The following ZNF205 variants were observed in gnomAD, a reference collection of about 807,000 sequenced individuals.
The protein encoded by ZNF205 is transcriptional repressor RHIT.
A neutral mutation model predicts 53.6 loss-of-function variants in ZNF205; 32 were observed. That is an observed-to-expected ratio of 0.60 (90% confidence interval 0.45 to 0.80). The LOEUF (loss-of-function observed/expected upper bound fraction) is 0.80. ZNF205 is among the 30% of genes least tolerant of loss of function. ZNF205 has a pLI of 0.00. For synonymous variants in ZNF205, 382 were observed against 334.3 expected (o/e 1.14, Z -1.56); for missense variants, 836 against 782.4 (o/e 1.07, Z -0.82).
chr16:3,119,400 C>T lies in ZNF205; in HGVS notation c.740C>T (p.Pro247Leu), dbSNP rs772722968. The T allele has an allele frequency of 9.3e-6, 15 of 1,610,000 alleles. No individual in the cohort carries two copies. Among genetic ancestry groups the T allele is most frequent in the Non-Finnish European group, 1.3e-5 (15 of 1,178,816 alleles). The change falls in exon 7 of 7, where the codon CCG becomes CTG. Residue 247 changes from proline to leucine, a missense_variant. Physicochemically the swap from Pro to Leu is moderately conservative, Grantham distance 98. Coordinates refer to ENST00000219091, the MANE Select transcript of ZNF205 (RefSeq NM_001042428.2). ...QEAACGRSSG[P>L]AKDSGQPAEP... ...GCAGCCTGCGGCCGGAGCTCAGGGC[C>T]GGCCAAAGACTCCGGGCAGCCGGCT...
rs1371965283 is a variant in ZNF205, at chr16:3,119,557, T to G, written c.897T>G (p.Pro299=). 6.2e-7 allele frequency: 1 copy of G among 1,608,116 alleles called. No individual in the cohort carries two copies. Among genetic ancestry groups the G allele is most frequent in the Non-Finnish European group, 8.5e-7 (1 of 1,177,726 alleles). ...AGAGTGGCGAGGAGGGCCTGGCCCC[T>G]GACAGTGAGGTGGGCAGGAAGAGCT... The part of the protein sequence containing the change: ...APESGEEGLA[P]DSEVGRKSYR... The change falls in exon 7 of 7, where the codon CCT becomes CCG. Residue 299 remains proline, a synonymous_variant. Coordinates refer to ENST00000219091, the MANE Select transcript of ZNF205 (RefSeq NM_001042428.2).
At chr16:3,113,604 A>C in intron 2 of ZNF205, 117 bp downstream of exon 2, 14 of 1,151,928 alleles carry the variant, frequency 1.2e-5, no homozygotes, top group Non-Finnish European at 1.7e-5. Flanking sequence ...TGGGGAGATC[A>C]AAGAGAAGGT....
Position 3,119,316 on chromosome 16 carries a change from A to C in ZNF205, c.656A>C (p.Lys219Thr). ...TSSVAALGNV[K>T]PFRTRAGRVQ... ...TCCGTGGCAGCCCTTGGGAATGTGA[A>C]GCCCTTCAGAACCAGGGCAGGGAGA... The change falls in exon 7 of 7, where the codon AAG becomes ACG. Residue 219 changes from lysine (K) to threonine (T), a missense_variant. Coordinates refer to ENST00000219091, the MANE Select transcript of ZNF205 (RefSeq NM_001042428.2). 1 of 1,611,966 alleles carries C rather than the reference A, an allele frequency of 6.2e-7. No individual in the cohort carries two copies. The highest frequency in any genetic ancestry group is 8.5e-7 in the Non-Finnish European group (1 of 1,179,096).
chr16:3,115,098 T>G (rs1324982462), intron 2 of ZNF205: 3 of 339,584 alleles, frequency 8.8e-6, no homozygotes, highest in Non-Finnish European at 1.6e-5. Flanking sequence ...TCTACACTGC[T>G]GAGGTCAGTG....
At chr16:3,117,188 T>G (rs1957356611) in intron 5 of ZNF205, among the ~76,000 whole-genome samples, 1 of 152,198 alleles carries the variant, frequency 6.6e-6, no homozygotes, top group South Asian at 2.1e-4. Flanking sequence ...GAAGTCCGCT[T>G]TTCCTGGGTT....
Position 3,115,909 on chromosome 16 carries a change from G to A in ZNF205, c.352G>A (p.Ala118Thr), listed in dbSNP as rs1450590498. Residue 118 changes from alanine to threonine, a missense_variant, in exon 4 of 7, where the codon GCC (alanine) becomes ACC (threonine). Ala to Thr is a moderately conservative substitution (Grantham distance 58). Coordinates refer to ENST00000219091, the MANE Select transcript of ZNF205 (RefSeq NM_001042428.2). ...DRQMAAALLTAWSQMPVTFED... is the reference protein window; with the variant it reads ...DRQMAAALLTTWSQMPVTFED... ...GCAGATGGCTGCAGCGCTCCTCACT[G>A]CCTGGTCCCAGGTGAGTGGCCCTTC... The A allele has an allele frequency of 6.2e-7, 1 of 1,613,676 alleles. No homozygotes were observed. Among genetic ancestry groups the A allele is most frequent in the East Asian group, 2.2e-5 (1 of 44,860 alleles).
At chr16:3,115,741 G>A (rs957090755) in intron 3 of ZNF205, 88 bp from the exon 4 acceptor site, 23 of 1,437,496 alleles carry the variant, frequency 1.6e-5, no homozygotes, top group South Asian at 1.6e-4. Context: ...TCCTTGGGTC[G>A]GGCCAGGGGT....
chr16:3,116,116 A>C (rs1342117364), intron 4 of ZNF205, 196 bp downstream of exon 4: 14 of 703,592 alleles, frequency 2.0e-5, no homozygotes, highest in Non-Finnish European at 3.0e-5. Context: ...AAGCAGCAGG[A>C]ATTAGAGACA....
rs367802592 is a variant in ZNF205, at chr16:3,115,592, C to T, written c.271+24C>T. ...AGGTAGGAGAGGGACGGGGAAGAGG[C>T]GCTTTCCCAGGGAGGCAGCTGTGGG... On this transcript the variant is annotated intron_variant, in intron 3 of 6. Coordinates refer to ENST00000219091, the MANE Select transcript of ZNF205 (RefSeq NM_001042428.2). 85 of 1,562,332 alleles carry T rather than the reference C, an allele frequency of 5.4e-5. No individual in the cohort carries two copies. In the African/African-American group the frequency reaches 7.7e-4, roughly 14 times the overall value.
Position 3,118,891 on chromosome 16 carries a change from C to G in ZNF205, c.485-14C>G. 1 of 1,612,486 alleles carries G rather than the reference C, an allele frequency of 6.2e-7. No homozygotes were observed. Among genetic ancestry groups the G allele is most frequent in the Non-Finnish European group, 8.5e-7 (1 of 1,179,412 alleles). On this transcript the variant is annotated splice_polypyrimidine_tract_variant and intron_variant, in intron 5 of 6. Coordinates refer to ENST00000219091, the MANE Select transcript of ZNF205 (RefSeq NM_001042428.2). ...CAGAAGGCCTGTGACAGCACAGCAT[C>G]TCTTTCTGGGCAGGCTTTCCCTTCA...
intron 5 of ZNF205, among the ~76,000 whole-genome samples, chr16:3,117,109 T>C (rs893223596): frequency 2.0e-5 from 3 of 152,220 alleles, no homozygotes; most frequent in Non-Finnish European, 4.4e-5. Flanking sequence ...TACTTGGTTT[T>C]AATCAGCTCA....
rs138263402 is a variant in ZNF205 at position 3,119,290 on chromosome 16, A to C, written c.630A>C (p.Ser210=). 1,492 of 1,609,018 alleles carry C rather than the reference A, an allele frequency of 9.3e-4. 1 individual carries two copies. Among genetic ancestry groups the C allele is most frequent in the Non-Finnish European group, 1.2e-3 (1,395 of 1,177,426 alleles). ...AVEVGQRVQT[S]SVAALGNVKP... ...AGGTGGGGCAGAGGGTGCAGACCTC[A>C]TCCGTGGCAGCCCTTGGGAATGTGA... The change falls in exon 7 of 7, where the codon TCA becomes TCC. Residue 210 remains serine, a synonymous_variant. Transcript: ENST00000219091.
At chr16:3,118,581 G>T (rs1957374812) in intron 5 of ZNF205, among the ~76,000 whole-genome samples, 1 of 152,160 alleles carries the variant, frequency 6.6e-6, no homozygotes, top group Admixed American at 6.5e-5. Flanking sequence ...CCTCCCACTT[G>T]GAGGGCCACT....
In ZNF205 at chr16:3,119,250, T is replaced by G. The variant is rs1957386027; in HGVS notation, c.596-6T>G. 6.4e-7 allele frequency: 1 copy of G among 1,567,096 alleles called. No individual in the cohort carries two copies. The highest frequency in any genetic ancestry group is 1.4e-5 in the African/African-American group (1 of 73,226). ...TCCCTAGCTGGAAACGACTTTCTTT[T>G]TCCAGGAGCCGTCGAGGTGGGGCAG... On this transcript the variant is annotated splice_polypyrimidine_tract_variant and splice_region_variant and intron_variant, in intron 6 of 6. Transcript: ENST00000219091.
rs1359921369 is a variant in ZNF205 at position 3,119,356 on chromosome 16, C to A, written c.696C>A (p.Val232=). The A allele has an allele frequency of 1.2e-6, 2 of 1,612,784 alleles. No individual in the cohort carries two copies. Among genetic ancestry groups the A allele is most frequent in the Non-Finnish European group, 8.5e-7 (1 of 1,179,828 alleles). The part of the protein sequence containing the change: ...RTRAGRVQWG[V]PQCAQEAACG... The stretch of plus-strand genomic sequence containing the variant: ...GGGCAGGGAGAGTCCAGTGGGGCGT[C>A]CCGCAGTGCGCGCAGGAAGCAGCCT... Residue 232 remains valine (V), a synonymous_variant, in exon 7 of 7, where the codon GTC becomes GTA. Transcript: ENST00000219091.
intron 4 of ZNF205, 124 bp from the exon 5 acceptor site, chr16:3,116,303 G>A (rs1441087995): frequency 1.4e-6 from 2 of 1,427,808 alleles, no homozygotes; most frequent in African/African-American, 1.4e-5. Context: ...TCAGATGGAA[G>A]TGGCAGGCCT....
At chr16:3,116,945 C>T (rs926946571) in intron 5 of ZNF205, among the ~76,000 whole-genome samples, 4 of 152,154 alleles carry the variant, frequency 2.6e-5, no homozygotes, top group Non-Finnish European at 5.9e-5. Flanking sequence ...CAGGTGCCCA[C>T]CACCACGCCC....
chr16:3,117,200 A>G (rs1957356794), intron 5 of ZNF205, among the ~76,000 whole-genome samples: 1 of 152,152 alleles, frequency 6.6e-6, no homozygotes, highest in East Asian at 1.9e-4. Flanking sequence ...TCCTGGGTTC[A>G]TCCGCAGGGC....
chr16:3,116,697 A>G (rs1957350741), intron 5 of ZNF205, 150 bp downstream of exon 5: 1 of 1,255,494 alleles, frequency 8.0e-7, no homozygotes, highest in Non-Finnish European at 1.1e-6. Context: ...TAATGATGGA[A>G]ATGTTCTGTG....
Sources: gnomAD v4.1 joint callset for allele counts (sites outside exome capture counted in the v4.1 genomes callset) on GRCh38, gnomAD v4.1.1 for gene constraint, MANE v1.5 for transcripts, NCBI Gene and HGNC (gene_info 2026-07-23, HGNC 2026-07-21) for gene names.